The following AAMDC variants were observed in gnomAD, a reference collection of about 807,000 sequenced individuals.
The protein encoded by AAMDC is adipogenesis associated Mth938 domain containing.
Under a neutral mutation model 15.5 loss-of-function variants are expected in AAMDC, and 16 were observed. That is an observed-to-expected ratio of 1.03 (90% CI 0.70 to 1.57). The LOEUF (loss-of-function observed/expected upper bound fraction) is 1.57, where lower values mean the gene tolerates loss of function less well. AAMDC is among the 40% of genes most tolerant of loss of function. The pLI is 0.00. For synonymous variants in AAMDC, 51 were observed against 51.6 expected, an observed-to-expected ratio of 0.99 and a Z score of 0.05; for missense variants, 141 against 144.9, an observed-to-expected ratio of 0.97 and a Z score of 0.14.
downstream of AAMDC, chr11:77,901,342 C>G (rs1952771263): frequency 2.1e-6 from 3 of 1,424,394 alleles, no homozygotes; most frequent in Admixed American, 1.8e-5. Flanking sequence ...TTATCATTAA[C>G]TTTCGTGTGA....
intron 5 of AAMDC, among the ~76,000 whole-genome samples, chr11:77,880,732 AG>A (rs1237344300): frequency 6.6e-6 from 1 of 152,192 alleles, no homozygotes; most frequent in African/African-American, 2.4e-5. Flanking sequence ...GCAAGGCAGG[AG>A]AATCACTTGA....
At position 77,887,457 on chromosome 11, in the gene AAMDC, C is replaced by G. The variant is rs1952062354; in HGVS notation, c.328+10408C>G. Reference sequence around the variant, plus strand: ...AGAGCTATCTATGACAAACCCACAGCCAATATCATACTGAATGGGCAAAAA... The same window carrying G: ...AGAGCTATCTATGACAAACCCACAGGCAATATCATACTGAATGGGCAAAAA... On this transcript the variant is annotated intron_variant, in intron 5 of 5. Coordinates refer to the AAMDC transcript ENST00000304716. Among the ~76,000 whole-genome samples the G allele has an allele frequency of 2.0e-5, 3 of 152,102 alleles. No individual in the cohort carries two copies. The South Asian group carries it at 6.2e-4, about 32-fold the overall frequency.
At chr11:77,889,859 T>G (rs1952187413) in intron 5 of AAMDC, among the ~76,000 whole-genome samples, 2 of 152,144 alleles carry the variant, frequency 1.3e-5, no homozygotes, top group East Asian at 3.9e-4. Flanking sequence ...TGAAGGGGGT[T>G]TTTTAGGAGA....
chr11:77,826,663 C>A (rs943596165), intron 1 of AAMDC, among the ~76,000 whole-genome samples: 1 of 152,164 alleles, frequency 6.6e-6, no homozygotes, highest in Non-Finnish European at 1.5e-5. Context: ...AGCAACCGAA[C>A]CTTTGAAACA....
intron 2 of AAMDC, among the ~76,000 whole-genome samples, chr11:77,867,157 A>G (rs1488666944): frequency 6.6e-6 from 1 of 152,124 alleles, no homozygotes; most frequent in African/African-American, 2.4e-5. Flanking sequence ...CCTTTCATAA[A>G]TATATAAATT....
At chr11:77,874,199 C>A (rs985858766), downstream of AAMDC, among the ~76,000 whole-genome samples, 1 of 152,114 alleles carries the variant, frequency 6.6e-6, no homozygotes, top group East Asian at 1.9e-4. Flanking sequence ...TTCACAGACC[C>A]GACACCCAGC....
At chr11:77,828,683 AAAAG>A (rs1403348163) in intron 1 of AAMDC, among the ~76,000 whole-genome samples, 31 of 152,136 alleles carry the variant, frequency 2.0e-4, no homozygotes, top group Middle Eastern at 3.4e-3. Context: ...AAAAAAAAAA[AAAAG>A]AAAGAAAATT....
At chr11:77,837,030 C>G (rs1473660623) in intron 1 of AAMDC, among the ~76,000 whole-genome samples, 1 of 152,244 alleles carries the variant, frequency 6.6e-6, no homozygotes, top group Non-Finnish European at 1.5e-5. Flanking sequence ...ATTAGATCCT[C>G]AAAAACAGGA....
At chr11:77,858,431 C>T (rs575275250) in intron 2 of AAMDC, among the ~76,000 whole-genome samples, 9 of 142,804 alleles carry the variant, frequency 6.3e-5, no homozygotes, top group African/African-American at 1.3e-4. Flanking sequence ...TGCTCTCAGG[C>T]GATAGATGAT....
downstream of AAMDC, chr11:77,877,074 C>A (rs775027406): frequency 3.1e-5 from 22 of 702,226 alleles, no homozygotes; most frequent in South Asian, 3.3e-4. Flanking sequence ...AAAGTCAGCT[C>A]CCTGGAGTTA....
chr11:77,905,239 C>T (rs1952910166), downstream of AAMDC, among the ~76,000 whole-genome samples: 1 of 151,968 alleles, frequency 6.6e-6, no homozygotes, highest in South Asian at 2.1e-4. Flanking sequence ...GGTGGATGAC[C>T]TGAGGTCAGG....
chr11:77,841,073 T>A (rs1214571238), intron 1 of AAMDC: 1 of 637,656 alleles, frequency 1.6e-6, no homozygotes. Context: ...GAGAGCCTTC[T>A]TGCTGCATCA....
downstream of AAMDC, among the ~76,000 whole-genome samples, chr11:77,874,593 G>A (rs954891152): frequency 3.3e-5 from 5 of 152,158 alleles, no homozygotes; most frequent in Non-Finnish European, 7.3e-5. Flanking sequence ...CATGGTTAAC[G>A]ATGGAAATAT....
chr11:77,863,073 G>A (rs1303243512), intron 2 of AAMDC, among the ~76,000 whole-genome samples: 1 of 152,118 alleles, frequency 6.6e-6, no homozygotes, highest in East Asian at 1.9e-4. Flanking sequence ...TCTGACCAAG[G>A]GTGCTTGGCC....
At chr11:77,829,924 G>A (rs1949344029) in intron 1 of AAMDC, 1 of 152,212 alleles carries the variant, frequency 6.6e-6, no homozygotes, top group South Asian at 2.1e-4. Flanking sequence ...TTGAGGCCAG[G>A]AATTTGAGAC....
chr11:77,857,377 G>A (rs965987989), intron 2 of AAMDC, among the ~76,000 whole-genome samples: 1 of 152,156 alleles, frequency 6.6e-6, no homozygotes, highest in Non-Finnish European at 1.5e-5. Context: ...AGATGTAGAA[G>A]TGTAGGAGAA....
At chr11:77,895,527 GAAAAAAAAAAAAAAAA>G (rs71046921) in intron 5 of AAMDC, among the ~76,000 whole-genome samples, 14 of 39,234 alleles carry the variant, frequency 3.6e-4, no homozygotes, top group African/African-American at 4.7e-4. Context: ...TTCTTTTCCT[GAAAAAAAAAAAAAAAA>G]AAAAAAAAAA....
In AAMDC at chr11:77,879,416, G is replaced by C. The variant is rs551455002; in HGVS notation, c.328+2367G>C. ...ATAATTGCTTCATGATCTGCTTTAT[G>C]AACTGGGCTCAAATTCTTATGCAGG... On this transcript the variant is annotated intron_variant, in intron 5 of 5. Coordinates refer to the AAMDC transcript ENST00000304716. Among the ~76,000 whole-genome samples the C allele has an allele frequency of 3.3e-5, 5 of 152,326 alleles. No homozygotes were observed. The South Asian group carries it at 1.0e-3, about 32-fold the overall frequency.
downstream of AAMDC, chr11:77,901,331 C>T: frequency 7.4e-7 from 1 of 1,347,778 alleles, no homozygotes; most frequent in Admixed American, 1.8e-5. Context: ...TTTCATTTCA[C>T]TTATCATTAA....
Sources: allele counts gnomAD v4.1 joint callset (sites outside exome capture counted in the v4.1 genomes callset), GRCh38; gene constraint gnomAD v4.1.1; transcripts MANE v1.5; gene names NCBI Gene and HGNC (gene_info 2026-07-23, HGNC 2026-07-21).